The following PCDHGA4 variants were observed in gnomAD, a reference collection of about 807,000 sequenced individuals.
PCDHGA4 encodes the protein protocadherin gamma-A4.
A neutral mutation model predicts 54.6 loss-of-function variants in PCDHGA4; 38 were observed. That is an observed-to-expected ratio of 0.70 (90% confidence interval 0.54 to 0.91). PCDHGA4 has a LOEUF of 0.91. Among genes scored for constraint, PCDHGA4 ranks in the 40% least tolerant of loss-of-function variants. The pLI is 0.00. For missense variants in PCDHGA4, 1,298 were observed against 1,220.9 expected (o/e 1.06, Z -0.94); for synonymous variants, 511 against 512.9 (o/e 1.00, Z 0.05).
Position 141,477,201 on chromosome 5 carries a change from C to T in PCDHGA4, c.2515-17606C>T, listed in dbSNP as rs1269388368. 6.2e-7 allele frequency: 1 copy of T among 1,614,076 alleles called. No homozygotes were observed. Among genetic ancestry groups the T allele is most frequent in the Non-Finnish European group, 8.5e-7 (1 of 1,180,056 alleles). On this transcript the variant is annotated intron_variant, in intron 1 of 3. Transcript: ENST00000571252. The surrounding 1 kb of genome is among the most constrained non-coding windows in gnomAD (Gnocchi z 4.9). ...GTCACCTCCGTGTACAGCCCAGTAC[C>T]CGAGGATGCCCCTCTGGGGACTGTC... is the stretch of plus-strand genomic sequence containing the variant.
rs1383420491 is a variant in PCDHGA4 at position 141,384,736 on chromosome 5, G to A, written c.2514+27115G>A. On this transcript the variant is annotated intron_variant, in intron 1 of 3. Transcript: ENST00000571252. ...GTCATACCTCCTGCTTAAGGCCAGC[G>A]AGCCAGGACTCTTTGCGGTTGGGCT... 3.7e-6 allele frequency: 6 copies of A among 1,613,938 alleles called. No homozygotes were observed. Among genetic ancestry groups the A allele is most frequent in the African/African-American group, 2.7e-5 (2 of 74,932 alleles).
rs1370808610 is a variant in PCDHGA4, at chr5:141,355,448, C to T, written c.341C>T (p.Thr114Ile). 3.1e-6 allele frequency: 5 copies of T among 1,614,092 alleles called. No homozygotes were observed. The highest frequency in any genetic ancestry group is 1.1e-5 in the South Asian group (1 of 91,088). Residue 114 changes from threonine (T) to isoleucine (I), a missense_variant, in exon 1 of 4, where the codon ACC becomes ATC. Coordinates refer to ENST00000571252, the MANE Select transcript of PCDHGA4 (RefSeq NM_018917.4). ...TTCGCCCTGAACCCGCGCAGCGGCA[C>T]CTTGGTCACCGCGGGTAGGATAGAC... ...QLFALNPRSG[T>I]LVTAGRIDRE... is the part of the protein sequence containing the mutation.
At position 141,375,854 on chromosome 5, in the gene PCDHGA4, G is replaced by A. The variant is rs937512272; in HGVS notation, c.2514+18233G>A. 3.1e-6 allele frequency: 5 copies of A among 1,613,934 alleles called. No homozygotes were observed. The South Asian group carries it at 5.5e-5, about 18-fold the overall frequency. ...AGAGCCCGGCTACCTGGTGACCAAG[G>A]TGGTGGCGGTGGACAGAGACTCGGG... On this transcript the variant is annotated intron_variant, in intron 1 of 3. Coordinates refer to ENST00000571252, the MANE Select transcript of PCDHGA4 (RefSeq NM_018917.4).
At chr5:141,390,475 A>G (rs1355918266) in intron 1 of PCDHGA4, 1 of 686,634 alleles carries the variant, frequency 1.5e-6, no homozygotes, top group Admixed American at 3.0e-5. Context: ...TGTGTGGCCC[A>G]ACATTTGTTT....
chr5:141,390,340 A>T (rs762864171), intron 1 of PCDHGA4: 2 of 1,586,842 alleles, frequency 1.3e-6, no homozygotes, highest in South Asian at 2.3e-5. Context: ...CCATATTCAC[A>T]AGAAAATATA....
chr5:141,437,307 G>A (rs1172152732), intron 1 of PCDHGA4, among the ~76,000 whole-genome samples: 7 of 152,120 alleles, frequency 4.6e-5, no homozygotes, highest in South Asian at 2.1e-4. Context: ...AAGTTAAAGC[G>A]TTCAGCTATA....
At chr5:141,378,758 C>G (rs969501970) in intron 1 of PCDHGA4, 1 of 152,162 alleles carries the variant, frequency 6.6e-6, no homozygotes, top group Non-Finnish European at 1.5e-5. Flanking sequence ...AAGGGATTAT[C>G]ATTTAGAAGA....
chr5:141,388,686 GA>G, intron 1 of PCDHGA4: 1 of 1,613,980 alleles, frequency 6.2e-7, no homozygotes, highest in Non-Finnish European at 8.5e-7. Context: ...GACTGCCACG[GA>G]CCAGGATGAG....
At chr5:141,365,613 G>T in intron 1 of PCDHGA4, 1 of 1,613,548 alleles carries the variant, frequency 6.2e-7, no homozygotes, top group East Asian at 2.2e-5. Flanking sequence ...ATGGACCATG[G>T]AACCCCGCCC....
chr5:141,446,757 G>A (rs769049265), intron 1 of PCDHGA4, among the ~76,000 whole-genome samples: 10 of 152,158 alleles, frequency 6.6e-5, no homozygotes, highest in African/African-American at 1.4e-4. Context: ...GTGAGCCACC[G>A]CGCCCAGCCG....
At chr5:141,395,494 T>G in intron 1 of PCDHGA4, 3 of 484,122 alleles carry the variant, frequency 6.2e-6, no homozygotes, top group Middle Eastern at 5.6e-4. Context: ...TTATCACTCA[T>G]TCACTTAAGA....
At chr5:141,366,530 G>A (rs1367752989) in intron 1 of PCDHGA4, 4 of 1,614,230 alleles carry the variant, frequency 2.5e-6, no homozygotes, top group African/African-American at 1.3e-5. Flanking sequence ...CAGGTTGGCG[G>A]GTGTGCCCGC....
chr5:141,415,853 G>A, intron 1 of PCDHGA4: 1 of 1,186,350 alleles, frequency 8.4e-7, no homozygotes, highest in Non-Finnish European at 1.1e-6. Flanking sequence ...GCAGAACCTT[G>A]TAGTTTATAG....
chr5:141,358,749 T>C (rs1761008205), intron 1 of PCDHGA4, among the ~76,000 whole-genome samples: 1 of 152,256 alleles, frequency 6.6e-6, no homozygotes. Context: ...TCTTTTCTCT[T>C]GTCATCATGT....
rs2097461148 is a variant in PCDHGA4 at position 141,432,174 on chromosome 5, T to C, written c.2515-62633T>C. ...AACAATCCCAGAGGAGTTTCCCTCGTCTCTGTGACCGCCCACGACCCCGAC... is the reference window on the plus strand; with the variant it reads ...AACAATCCCAGAGGAGTTTCCCTCGCCTCTGTGACCGCCCACGACCCCGAC... On this transcript the variant is annotated intron_variant, in intron 1 of 3. Transcript: ENST00000571252. The surrounding 1 kb of genome is among the most constrained non-coding windows in gnomAD (Gnocchi z 6.0). 1 of 1,614,088 alleles carries C rather than the reference T, an allele frequency of 6.2e-7. No homozygotes were observed. Among genetic ancestry groups the C allele is most frequent in the Non-Finnish European group, 8.5e-7 (1 of 1,180,022 alleles).
At chr5:141,462,302 A>C (rs2099036796) in intron 1 of PCDHGA4, among the ~76,000 whole-genome samples, 1 of 152,222 alleles carries the variant, frequency 6.6e-6, no homozygotes, top group African/African-American at 2.4e-5. Context: ...GTATTACCCA[A>C]ATATATTTGT....
At chr5:141,408,643 C>T (rs751905674) in intron 1 of PCDHGA4, 3 of 1,613,910 alleles carry the variant, frequency 1.9e-6, no homozygotes, top group Non-Finnish European at 1.7e-6. Context: ...AATCTGCATC[C>T]GCTGGTACAC....
At chr5:141,370,084 A>C (rs947010720) in intron 1 of PCDHGA4, among the ~76,000 whole-genome samples, 2 of 152,244 alleles carry the variant, frequency 1.3e-5, no homozygotes, top group Non-Finnish European at 2.9e-5. Context: ...AAGTATCACT[A>C]TCAGTACACT....
chr5:141,374,230 C>T lies in PCDHGA4; in HGVS notation c.2514+16609C>T. On this transcript the variant is annotated intron_variant, in intron 1 of 3. Coordinates refer to ENST00000571252, the MANE Select transcript of PCDHGA4 (RefSeq NM_018917.4). ...AAGGCTCCTTCGTAGGCAACATCGTCAAGGATCTGGGACTGGAGCCCCAGG... is the reference window on the plus strand; with the variant it reads ...AAGGCTCCTTCGTAGGCAACATCGTTAAGGATCTGGGACTGGAGCCCCAGG... 2 of 1,613,996 alleles carry T rather than the reference C, an allele frequency of 1.2e-6. 1 individual carries two copies. Among genetic ancestry groups the T allele is most frequent in the East Asian group, 4.5e-5 (2 of 44,882 alleles).
Sources: gnomAD v4.1 joint callset for allele counts (sites outside exome capture counted in the v4.1 genomes callset) on GRCh38, gnomAD v4.1.1 for gene constraint, Gnocchi (gnomAD v3.1) non-coding constraint, MANE v1.5 for transcripts, NCBI Gene and HGNC (gene_info 2026-07-23, HGNC 2026-07-21) for gene names.